The following DPP9 variants were observed in gnomAD, a reference collection of about 807,000 sequenced individuals.
DPP9 encodes dipeptidyl peptidase IV-related protein-2.
DPP9 carries 50 observed loss-of-function variants against 110.7 expected under a neutral mutation model. The ratio of observed to expected loss-of-function variants is 0.45; its 90% CI spans 0.36 to 0.57. DPP9 has a LOEUF of 0.57. Ranked by LOEUF, DPP9 falls within the 20% of genes least tolerant of loss-of-function variation. DPP9 has a pLI of 0.00. For synonymous variants in DPP9, 561 were observed against 514.4 expected, an observed-to-expected ratio of 1.09 and a Z score of -1.23; for missense variants, 1,022 against 1,217.9, an observed-to-expected ratio of 0.84 and a Z score of 2.39.
intron 13 of DPP9, among the ~76,000 whole-genome samples, chr19:4,692,072 C>T (rs1267776313): frequency 3.3e-5 from 5 of 152,024 alleles, no homozygotes; most frequent in Non-Finnish European, 7.4e-5. Flanking sequence ...CCTCCCACCT[C>T]GGCCTCCCAA....
intron 5 of DPP9, among the ~76,000 whole-genome samples, 185 bp downstream of exon 5, chr19:4,705,673 C>T (rs1338775396): frequency 5.3e-5 from 8 of 152,204 alleles, no homozygotes; most frequent in East Asian, 3.8e-4. Context: ...GTTTCTCTGT[C>T]GCTTGAGTAC....
Position 4,684,128 on chromosome 19 carries a change from C to A in DPP9, c.2179-499G>T, listed in dbSNP as rs1419356280. 5 of 301,058 alleles carry A rather than the reference C, an allele frequency of 1.7e-5. No homozygotes were observed. The highest frequency in any genetic ancestry group is 3.3e-5 in the Non-Finnish European group (5 of 152,258). 18.6% of individuals were successfully genotyped at this position (301,058 alleles called of 1,614,324 possible). A position where few individuals can be genotyped will look rare whatever the true frequency, so the allele number is the denominator to read the frequency against. ...AAGCGACTGATCCATGGGGCCCACT[C>A]ATGTGAATGGGATGAGGGGCCCTTA... On this transcript the variant is annotated intron_variant, in intron 18 of 21. Coordinates refer to ENST00000262960, the MANE Select transcript of DPP9 (RefSeq NM_139159.5). This position sits in a 1 kb window ranked among gnomAD's most constrained non-coding sequence, Gnocchi z 4.8.
intron 7 of DPP9, among the ~76,000 whole-genome samples, chr19:4,703,435 G>A (rs1176192582): frequency 6.7e-6 from 1 of 149,622 alleles, no homozygotes; most frequent in East Asian, 2.0e-4. Context: ...GAGCAGCCTG[G>A]CCAACATGGG....
Position 4,693,891 on chromosome 19 carries a change from A to G in DPP9, c.1516+770T>C, listed in dbSNP as rs34136596. Among the ~76,000 whole-genome samples the G allele has an allele frequency of 0.046, 6,916 of 151,208 alleles. 270 individuals are homozygous for G. The highest frequency in any genetic ancestry group is 0.073 in the Non-Finnish European group (4,919 of 67,780). ...CTCCTCCCTATTCCTCCAACATGCC[A>G]GGAACAGTCCTGCCTGCCCCAGGGC... On this transcript the variant is annotated intron_variant, in intron 13 of 21. Transcript: ENST00000262960. The surrounding 1 kb of genome is among the most constrained non-coding windows in gnomAD (Gnocchi z 5.0).
chr19:4,679,704 G>C, intron 21 of DPP9, 131 bp downstream of exon 21: 3 of 681,526 alleles, frequency 4.4e-6, no homozygotes, highest in Non-Finnish European at 7.7e-6. Context: ...GCTGTGGGGT[G>C]GGGGGCTGGG....
chr19:4,709,756 T>C (rs995741504), intron 4 of DPP9, among the ~76,000 whole-genome samples: 2 of 144,148 alleles, frequency 1.4e-5, no homozygotes, highest in African/African-American at 5.0e-5. Context: ...TTTCACACCT[T>C]CAAAAGTGAA....
rs560954444 is a variant in DPP9 at position 4,698,554 on chromosome 19, C to T, written c.1075-903G>A. On this transcript the variant is annotated intron_variant, in intron 10 of 21. Coordinates refer to ENST00000262960, the MANE Select transcript of DPP9 (RefSeq NM_139159.5). This position sits in a 1 kb window ranked among gnomAD's most constrained non-coding sequence, Gnocchi z 4.2. ...ATCACTTGAGGTCAGGAGTTCGAGA[C>T]CAGCCTGGGGAACATGGCAAGACCC... Among the ~76,000 whole-genome samples, 1 of 152,020 alleles carries T rather than the reference C, an allele frequency of 6.6e-6. No individual in the cohort carries two copies. The highest frequency in any genetic ancestry group is 1.5e-5 in the Non-Finnish European group (1 of 67,946).
Position 4,698,494 on chromosome 19 carries a change from G to C in DPP9, c.1075-843C>G, listed in dbSNP as rs1374645678. On this transcript the variant is annotated intron_variant, in intron 10 of 21. Coordinates refer to ENST00000262960, the MANE Select transcript of DPP9 (RefSeq NM_139159.5). This position sits in a 1 kb window ranked among gnomAD's most constrained non-coding sequence, Gnocchi z 4.2. ...GGGCCAGGTGCGGTGGCTCACACCT[G>C]TAATCCCAGCACCTTGAGAGGCTGA... Among the ~76,000 whole-genome samples the C allele has an allele frequency of 6.6e-6, 1 of 152,214 alleles. No homozygotes were observed. The highest frequency in any genetic ancestry group is 1.5e-5 in the Non-Finnish European group (1 of 68,040).
chr19:4,694,718 T>C lies in DPP9; in HGVS notation c.1459A>G (p.Thr487Ala), dbSNP rs943100305. ...KTGFCHLYKV[T>A]AVLKSQGYDW... ...TAGCCCTGGGATTTTAAAACGGCGG[T>C]GACTTTGTACAAATGGCAGAAGCCG... The change falls in exon 13 of 22, where the codon ACC becomes GCC. Residue 487 changes from threonine to alanine, a missense_variant. Thr to Ala is a moderately conservative substitution (Grantham distance 58). Transcript: ENST00000262960. This position sits in a 1 kb window ranked among gnomAD's most constrained non-coding sequence, Gnocchi z 4.0. 1 of 1,613,454 alleles carries C rather than the reference T, an allele frequency of 6.2e-7. No homozygotes were observed. Among genetic ancestry groups the C allele is most frequent in the Non-Finnish European group, 8.5e-7 (1 of 1,179,724 alleles).
chr19:4,702,368 A>T (rs1225260579), intron 8 of DPP9, among the ~76,000 whole-genome samples: 1 of 152,022 alleles, frequency 6.6e-6, no homozygotes, highest in Non-Finnish European at 1.5e-5. Context: ...GAGCAGGGCT[A>T]CTCCCAGCAT....
chr19:4,685,672 G>C lies in DPP9; in HGVS notation c.1985C>G (p.Pro662Arg). 1 of 1,612,860 alleles carries C rather than the reference G, an allele frequency of 6.2e-7. No individual in the cohort carries two copies. Among genetic ancestry groups the C allele is most frequent in the Non-Finnish European group, 8.5e-7 (1 of 1,179,578 alleles). ...GMIYKPHALQ[P>R]GKKHPTVLFV... ...GAGGACGGTGGGGTGCTTCTTCCCT[G>C]GCTGCAAGGCGTGGGGCTTGTAGAT... The change falls in exon 17 of 22, where the codon CCA becomes CGA. Residue 662 changes from proline to arginine, a missense_variant. Around this residue, in one of 3 missense-constraint regions of DPP9, gnomAD observed 810 missense variants for 920.6 expected, o/e 0.88. Transcript: ENST00000262960. The surrounding 1 kb of genome is among the most constrained non-coding windows in gnomAD (Gnocchi z 5.8).
In DPP9 at chr19:4,704,430, T is replaced by G; in HGVS notation, c.427-126A>C. The stretch of plus-strand genomic sequence containing the variant: ...GACTTCGGGCCTCGCCAGAGAGAAC[T>G]TCCTGTACTGGGCAGAATTGGCTGC... On this transcript the variant is annotated intron_variant, in intron 5 of 21. Transcript: ENST00000262960. The surrounding 1 kb of genome is among the most constrained non-coding windows in gnomAD (Gnocchi z 6.0). The G allele has an allele frequency of 8.4e-7, 1 of 1,194,442 alleles. No homozygotes were observed. The highest frequency in any genetic ancestry group is 1.2e-6 in the Non-Finnish European group (1 of 852,204). 74.0% of individuals were successfully genotyped at this position (1,194,442 alleles called of 1,614,324 possible). A position where few individuals can be genotyped will look rare whatever the true frequency, so the allele number is the denominator to read the frequency against.
At position 4,693,112 on chromosome 19, in the gene DPP9, C is replaced by T. The variant is rs1474834867; in HGVS notation, c.1516+1549G>A. 6.6e-6 allele frequency among the ~76,000 whole-genome samples: 1 copy of T among 152,172 alleles called. No homozygotes were observed. The highest frequency in any genetic ancestry group is 2.4e-5 in the African/African-American group (1 of 41,448). ...GGCACCGGACCACATCTAGGGACAT[C>T]TGTGGTTGTCACAACTGGAGGTGCT... On this transcript the variant is annotated intron_variant, in intron 13 of 21. Coordinates refer to ENST00000262960, the MANE Select transcript of DPP9 (RefSeq NM_139159.5). The surrounding 1 kb of genome is among the most constrained non-coding windows in gnomAD (Gnocchi z 5.0).
chr19:4,688,697 C>T (rs1407883440), intron 16 of DPP9, 60 bp downstream of exon 16: 35 of 1,364,108 alleles, frequency 2.6e-5, no homozygotes, highest in Admixed American at 8.2e-5. Flanking sequence ...ATGGGGCCCT[C>T]GTCCCGTTTT....
chr19:4,706,226 G>A (rs984676033), intron 4 of DPP9, among the ~76,000 whole-genome samples: 3 of 151,826 alleles, frequency 2.0e-5, no homozygotes, highest in Non-Finnish European at 4.4e-5. Flanking sequence ...GCTGGGCATG[G>A]TGGCTCTTGT....
Position 4,684,644 on chromosome 19 carries a change from A to C in DPP9, c.2178+19T>G, listed in dbSNP as rs2090418560. 1 of 1,612,650 alleles carries C rather than the reference A, an allele frequency of 6.2e-7. No individual in the cohort carries two copies. Among genetic ancestry groups the C allele is most frequent in the African/African-American group, 1.3e-5 (1 of 74,886 alleles). ...TCCCGAGACCCAAAGGACCCAGAGCAACAGGGAGGAGTTGTTACCATTTGG... is the reference window on the plus strand; with the variant it reads ...TCCCGAGACCCAAAGGACCCAGAGCCACAGGGAGGAGTTGTTACCATTTGG... On this transcript the variant is annotated intron_variant, in intron 18 of 21. Transcript: ENST00000262960. This position sits in a 1 kb window ranked among gnomAD's most constrained non-coding sequence, Gnocchi z 4.8.
intron 11 of DPP9, 126 bp downstream of exon 11, chr19:4,697,425 T>A (rs551512483): frequency 4.0e-4 from 304 of 758,590 alleles, no homozygotes; most frequent in Non-Finnish European, 5.8e-4. Flanking sequence ...GTCCTGGCGG[T>A]TGCACTGCGG....
chr19:4,699,869 G>C (rs535497625), intron 10 of DPP9, among the ~76,000 whole-genome samples: 1 of 152,214 alleles, frequency 6.6e-6, no homozygotes, highest in Non-Finnish European at 1.5e-5. Context: ...CTTGGAGAGA[G>C]GGCAGCTCTG....
chr19:4,718,967 G>C lies in DPP9; in HGVS notation c.56+884C>G, dbSNP rs751749416. The stretch of plus-strand genomic sequence containing the variant: ...AGACATGGAGTTTACTGACTGCCCC[G>C]GGGGGTGCGTGTCTAACCACATTCC... On this transcript the variant is annotated intron_variant, in intron 3 of 21. Coordinates refer to ENST00000262960, the MANE Select transcript of DPP9 (RefSeq NM_139159.5). This position sits in a 1 kb window ranked among gnomAD's most constrained non-coding sequence, Gnocchi z 4.3. 8.0e-4 allele frequency among the ~76,000 whole-genome samples: 121 copies of C among 152,132 alleles called. No homozygotes were observed. Among genetic ancestry groups the C allele is most frequent in the Admixed American group, 1.6e-3 (25 of 15,262 alleles).
Sources: gnomAD v4.1 joint callset for allele counts (sites outside exome capture counted in the v4.1 genomes callset) on GRCh38, gnomAD v4.1.1 for gene constraint, gnomAD v4.1.1 regional missense constraint, Gnocchi (gnomAD v3.1) non-coding constraint, MANE v1.5 for transcripts, NCBI Gene and HGNC (gene_info 2026-07-23, HGNC 2026-07-21) for gene names.